NRXN1: variants seen among roughly 807,000 people sequenced by gnomAD.
NRXN1 encodes the protein neurexin 1.
A neutral mutation model predicts 150.9 loss-of-function variants in NRXN1; 39 were observed. The ratio of observed to expected loss-of-function variants is 0.26; its 90% CI spans 0.20 to 0.34. The LOEUF is 0.34. Ranked by LOEUF, NRXN1 falls within the 10% of genes least tolerant of loss-of-function variation. The probability of loss-of-function intolerance (pLI) is 1.00; values close to 1 mark genes in which losing one functional copy is unlikely to be tolerated. For missense variants in NRXN1, 1,815 were observed against 1,949.9 expected (o/e 0.93, Z 1.30); for synonymous variants, 924 against 757.0 (o/e 1.22, Z -3.62).
At chr2:50,127,276 C>G (rs1574056056) in intron 18 of NRXN1, among the ~76,000 whole-genome samples, 1 of 152,018 alleles carries the variant, frequency 6.6e-6, no homozygotes, top group Non-Finnish European at 1.5e-5. Flanking sequence ...TATTTAATAG[C>G]CACTTTACAT....
chr2:50,929,893 C>T (rs989148466), intron 2 of NRXN1, among the ~76,000 whole-genome samples: 3 of 151,944 alleles, frequency 2.0e-5, no homozygotes, highest in African/African-American at 7.2e-5. Context: ...GCTTCAAGCA[C>T]TGGGAAATGG....
intron 5 of NRXN1, among the ~76,000 whole-genome samples, chr2:50,858,092 A>ATTT (rs113571564): frequency 2.9e-4 from 43 of 149,296 alleles, no homozygotes; most frequent in Admixed American, 3.4e-4. Flanking sequence ...ACCCAAATAG[A>ATTT]TTTTTTTTTT....
intron 13 of NRXN1, among the ~76,000 whole-genome samples, chr2:50,506,245 G>T (rs1304706460): frequency 6.6e-6 from 1 of 151,944 alleles, no homozygotes; most frequent in Non-Finnish European, 1.5e-5. Context: ...GGCCACAAAA[G>T]AAAATATATT....
chr2:49,990,657 T>G (rs1281220968), intron 21 of NRXN1, among the ~76,000 whole-genome samples: 1 of 152,042 alleles, frequency 6.6e-6, no homozygotes, highest in East Asian at 1.9e-4. Flanking sequence ...CAGTAAGTAA[T>G]TTGGGAAGTG....
rs149759469 is a variant in NRXN1, at chr2:49,960,017, T to C, written c.4129-16226A>G. 2.3e-3 allele frequency among the ~76,000 whole-genome samples: 352 copies of C among 152,336 alleles called. 3 individuals carry two copies. The highest frequency in any genetic ancestry group is 8.1e-3 in the African/African-American group (338 of 41,590). On this transcript the variant is annotated intron_variant, in intron 21 of 22. Transcript: ENST00000401669. ...TTTTTGACTTTTAAACTCTACTTTA[T>C]TTCAAAACACAGTCCCAACCATTCC...
At chr2:50,614,494 G>A (rs1459668885) in intron 8 of NRXN1, among the ~76,000 whole-genome samples, 3 of 151,796 alleles carry the variant, frequency 2.0e-5, no homozygotes, top group Non-Finnish European at 2.9e-5. Flanking sequence ...GCAAAAAAGG[G>A]GAGGAGCGGG....
intron 17 of NRXN1, among the ~76,000 whole-genome samples, chr2:50,421,446 T>A (rs1049141390): frequency 6.6e-6 from 1 of 152,152 alleles, no homozygotes; most frequent in African/African-American, 2.4e-5. Context: ...AGGAACACCA[T>A]AAATCATGCT....
At chr2:50,054,227 T>C (rs1003537990) in intron 20 of NRXN1, among the ~76,000 whole-genome samples, 2 of 131,338 alleles carry the variant, frequency 1.5e-5, no homozygotes, top group African/African-American at 6.1e-5. Context: ...TCAGCAAGTC[T>C]ATCAAAACAA....
intron 17 of NRXN1, among the ~76,000 whole-genome samples, chr2:50,352,649 G>C (rs1331364912): frequency 6.6e-6 from 1 of 151,580 alleles, no homozygotes; most frequent in Non-Finnish European, 1.5e-5. Flanking sequence ...ACTCAGAAGA[G>C]GGTTTGTTCT....
chr2:50,696,900 A>T (rs773342130), intron 5 of NRXN1, among the ~76,000 whole-genome samples: 76 of 152,206 alleles, frequency 5.0e-4, no homozygotes, highest in Non-Finnish European at 9.0e-4. Flanking sequence ...TTTATTCACA[A>T]TGAAAGCCTG....
intron 2 of NRXN1, among the ~76,000 whole-genome samples, chr2:51,016,330 A>T (rs1668658002): frequency 6.6e-6 from 1 of 152,190 alleles, no homozygotes; most frequent in Non-Finnish European, 1.5e-5. Context: ...AACCTGCAGA[A>T]TGGGAGAAAA....
At chr2:50,537,694 A>G (rs1044220738) in intron 10 of NRXN1, among the ~76,000 whole-genome samples, 59 of 152,290 alleles carry the variant, frequency 3.9e-4, no homozygotes, top group African/African-American at 1.4e-3. Context: ...CTATTAGGGT[A>G]CACTTCCAGA....
At chr2:50,399,249 G>T (rs1167252752) in intron 17 of NRXN1, among the ~76,000 whole-genome samples, 1 of 152,106 alleles carries the variant, frequency 6.6e-6, no homozygotes, top group African/African-American at 2.4e-5. Flanking sequence ...GGTCTGGAAG[G>T]ATATATTTCC....
intron 12 of NRXN1, among the ~76,000 whole-genome samples, chr2:50,509,040 TTGTC>T (rs1239581728): frequency 6.6e-6 from 1 of 152,140 alleles, no homozygotes; most frequent in Admixed American, 6.5e-5. Context: ...AGCAGGCACT[TTGTC>T]TGTTGTCTTG....
intron 17 of NRXN1, among the ~76,000 whole-genome samples, chr2:50,443,302 A>G (rs867058405): frequency 8.5e-5 from 13 of 152,214 alleles, no homozygotes; most frequent in African/African-American, 2.4e-4. Context: ...ACAGTATATG[A>G]AGAAGAAAGT....
chr2:50,840,803 T>G (rs528826041), intron 5 of NRXN1, among the ~76,000 whole-genome samples: 9 of 152,142 alleles, frequency 5.9e-5, no homozygotes, highest in Non-Finnish European at 1.2e-4. Flanking sequence ...AGAGAGGACT[T>G]CAGGGTTCCT....
intron 17 of NRXN1, among the ~76,000 whole-genome samples, chr2:50,314,102 T>G (rs2075397315): frequency 6.6e-6 from 1 of 152,126 alleles, no homozygotes; most frequent in African/African-American, 2.4e-5. Flanking sequence ...AGCTTCAGAA[T>G]AGGTAGATTC....
chr2:50,764,118 G>T (rs1702128340), intron 5 of NRXN1, among the ~76,000 whole-genome samples: 1 of 151,566 alleles, frequency 6.6e-6, no homozygotes, highest in Admixed American at 6.6e-5. Flanking sequence ...TACTGGCCGG[G>T]AAGACATTTA....
At chr2:50,857,885 G>A (rs72838785) in intron 5 of NRXN1, among the ~76,000 whole-genome samples, 30,372 of 151,852 alleles carry the variant, frequency 0.2, 3,346 homozygotes, top group Middle Eastern at 0.25. Context: ...ATTCTGCATC[G>A]GTACTGGCTG....
Sources: gnomAD v4.1 joint callset for allele counts (sites outside exome capture counted in the v4.1 genomes callset) on GRCh38, gnomAD v4.1.1 for gene constraint, MANE v1.5 for transcripts, NCBI Gene and HGNC (gene_info 2026-07-23, HGNC 2026-07-21) for gene names.